The following IGSF11 variants were observed in gnomAD, a reference collection of about 807,000 sequenced individuals.
IGSF11 encodes the protein CXADR like 1.
IGSF11 carries 22 observed loss-of-function variants against 41.0 expected under a neutral mutation model. That is an observed-to-expected ratio of 0.54 (90% confidence interval 0.38 to 0.77). The LOEUF (loss-of-function observed/expected upper bound fraction) is 0.77. Among genes scored for constraint, IGSF11 ranks in the 30% least tolerant of loss-of-function variants. The pLI, the probability that IGSF11 is intolerant of heterozygous loss-of-function variation, is 0.00. For missense variants in IGSF11, 444 were observed against 530.8 expected, an observed-to-expected ratio of 0.84 and a Z score of 1.61; for synonymous variants, 219 against 201.3, an observed-to-expected ratio of 1.09 and a Z score of -0.74.
chr3:119,134,138 C>G (rs2077523157), intron 1 of IGSF11, among the ~76,000 whole-genome samples: 1 of 152,042 alleles, frequency 6.6e-6, no homozygotes, highest in Non-Finnish European at 1.5e-5. Flanking sequence ...GGAAGCATTC[C>G]CTTTGAAAAC....
intron 1 of IGSF11, among the ~76,000 whole-genome samples, chr3:119,084,690 G>A (rs1200693601): frequency 6.6e-6 from 1 of 152,240 alleles, no homozygotes; most frequent in Non-Finnish European, 1.5e-5. Context: ...CCCTGCAGAA[G>A]CGTGCATACA....
At chr3:118,966,510 A>G (rs1405950698) in intron 1 of IGSF11, among the ~76,000 whole-genome samples, 3 of 152,208 alleles carry the variant, frequency 2.0e-5, no homozygotes, top group Non-Finnish European at 4.4e-5. Context: ...ACCAAAAGAC[A>G]TCTAGCCTTT....
In IGSF11 at chr3:119,132,551, G is replaced by A. The variant is rs115743163; in HGVS notation, c.-14+13262C>T. On this transcript the variant is annotated intron_variant, in intron 1 of 7. Transcript: ENST00000425327. Reference sequence around the variant, plus strand: ...TCCTAAATAGATATGCACCCAATATGGGAGCACGCAGATTCATAAAGCAAG... The same window carrying A: ...TCCTAAATAGATATGCACCCAATATAGGAGCACGCAGATTCATAAAGCAAG... Among the ~76,000 whole-genome samples, 2,251 of 152,050 alleles carry A rather than the reference G, an allele frequency of 0.015. 90 individuals are homozygous for A. In the East Asian group the frequency reaches 0.15, roughly 10 times the overall value.
At chr3:118,904,839 G>C (rs1265545129) in intron 5 of IGSF11, 41 bp from the exon 6 acceptor site, 2 of 1,529,848 alleles carry the variant, frequency 1.3e-6, no homozygotes, top group Admixed American at 4.0e-5. Context: ...AAAAGAGAAA[G>C]AGAGAAATAG....
intron 1 of IGSF11, among the ~76,000 whole-genome samples, chr3:119,042,618 C>T (rs1046049669): frequency 4.6e-5 from 7 of 152,114 alleles, no homozygotes; most frequent in South Asian, 2.1e-4. Context: ...CAGCAAGCCC[C>T]GTCCAAGAAA....
chr3:118,922,601 G>A (rs1941916009), intron 4 of IGSF11, among the ~76,000 whole-genome samples: 1 of 151,984 alleles, frequency 6.6e-6, no homozygotes, highest in African/African-American at 2.4e-5. Flanking sequence ...CCAGCCCATG[G>A]AAACCACCAT....
At chr3:118,965,780 T>C (rs1018156933) in intron 1 of IGSF11, among the ~76,000 whole-genome samples, 1 of 152,146 alleles carries the variant, frequency 6.6e-6, no homozygotes, top group African/African-American at 2.4e-5. Context: ...ACTTCTAAAA[T>C]CCCTGCAAAA....
chr3:118,921,255 C>T (rs1941756161), intron 4 of IGSF11, among the ~76,000 whole-genome samples: 1 of 152,108 alleles, frequency 6.6e-6, no homozygotes, highest in South Asian at 2.1e-4. Context: ...AATATCTATC[C>T]TGTTCAGCAA....
At chr3:119,041,074 C>A (rs1941100687) in intron 1 of IGSF11, among the ~76,000 whole-genome samples, 2 of 152,014 alleles carry the variant, frequency 1.3e-5, no homozygotes, top group African/African-American at 4.8e-5. Flanking sequence ...AAATAAATTA[C>A]TACTTAGCTT....
chr3:119,073,409 C>A (rs1373641283), intron 1 of IGSF11, among the ~76,000 whole-genome samples: 1 of 152,220 alleles, frequency 6.6e-6, no homozygotes, highest in East Asian at 1.9e-4. Flanking sequence ...CACTCCTCAG[C>A]CCTTGGGCGA....
At chr3:119,096,939 T>G (rs1158018553) in intron 1 of IGSF11, among the ~76,000 whole-genome samples, 1 of 152,158 alleles carries the variant, frequency 6.6e-6, no homozygotes, top group Non-Finnish European at 1.5e-5. Flanking sequence ...AAGAAAAAAT[T>G]TTGTTATAAC....
intron 1 of IGSF11, among the ~76,000 whole-genome samples, chr3:119,032,528 C>T (rs1447806601): frequency 6.6e-6 from 1 of 152,182 alleles, no homozygotes; most frequent in Non-Finnish European, 1.5e-5. Flanking sequence ...TTGCCCCCAA[C>T]TACTTTTTGG....
intron 1 of IGSF11, among the ~76,000 whole-genome samples, chr3:119,032,855 C>T (rs1390669607): frequency 6.6e-6 from 1 of 152,242 alleles, no homozygotes; most frequent in Non-Finnish European, 1.5e-5. Flanking sequence ...TCACACGCGT[C>T]TTTGTATTCC....
chr3:118,998,901 T>A (rs1249417170), intron 1 of IGSF11, among the ~76,000 whole-genome samples: 2 of 152,120 alleles, frequency 1.3e-5, no homozygotes, highest in Admixed American at 1.3e-4. Flanking sequence ...TTGTTTATAA[T>A]AGTAAAACAG....
chr3:118,984,405 T>C (rs987234519), intron 1 of IGSF11, among the ~76,000 whole-genome samples: 2 of 152,164 alleles, frequency 1.3e-5, no homozygotes, highest in Non-Finnish European at 2.9e-5. Context: ...TCCCAGTCAA[T>C]ACAAAATGTA....
At chr3:118,973,574 T>C (rs573916795) in intron 1 of IGSF11, among the ~76,000 whole-genome samples, 9 of 152,196 alleles carry the variant, frequency 5.9e-5, no homozygotes, top group Non-Finnish European at 1.3e-4. Context: ...TAAAGGCCTA[T>C]GCTTCAAGCA....
chr3:119,116,603 A>G (rs1291457527), intron 1 of IGSF11, among the ~76,000 whole-genome samples: 1 of 152,234 alleles, frequency 6.6e-6, no homozygotes, highest in Middle Eastern at 3.2e-3. Context: ...GCTACAGTTT[A>G]AATGATAATA....
At chr3:118,922,930 G>C (rs1459523877) in intron 4 of IGSF11, among the ~76,000 whole-genome samples, 1 of 152,100 alleles carries the variant, frequency 6.6e-6, no homozygotes, top group African/African-American at 2.4e-5. Context: ...AACATGCTGG[G>C]AATGCAACAT....
intron 1 of IGSF11, among the ~76,000 whole-genome samples, chr3:119,018,997 G>C (rs1278752448): frequency 6.6e-6 from 1 of 152,184 alleles, no homozygotes; most frequent in Non-Finnish European, 1.5e-5. Flanking sequence ...ATCAGAAAAA[G>C]CCTGCCAAAT....
Sources: gnomAD v4.1 joint callset for allele counts (sites outside exome capture counted in the v4.1 genomes callset) on GRCh38, gnomAD v4.1.1 for gene constraint, MANE v1.5 for transcripts, NCBI Gene and HGNC (gene_info 2026-07-23, HGNC 2026-07-21) for gene names.